Variants in PIGU observed in about 807,000 individuals in gnomAD.
The protein encoded by PIGU is GPI-anchor transamidase component PIGU.
In PIGU, 24 loss-of-function variants were observed where a neutral mutation model predicts 49.9. The ratio of observed to expected loss-of-function variants is 0.48; its 90% confidence interval spans 0.35 to 0.68. The LOEUF (loss-of-function observed/expected upper bound fraction) is 0.68. Among genes scored for constraint, PIGU ranks in the 30% least tolerant of loss-of-function variants. PIGU has a pLI of 0.01. For missense variants in PIGU, 490 were observed against 532.6 expected (o/e 0.92, Z 0.79); for synonymous variants, 220 against 205.7 (o/e 1.07, Z -0.59).
chr20:34,584,011 G>A (rs1600599443), intron 9 of PIGU, among the ~76,000 whole-genome samples: 2 of 152,284 alleles, frequency 1.3e-5, no homozygotes, highest in Middle Eastern at 3.4e-3. Context: ...TCTGAAGCTA[G>A]GATAATAGAA....
chr20:34,603,224 G>A (rs1037182980), intron 7 of PIGU, among the ~76,000 whole-genome samples: 1 of 152,066 alleles, frequency 6.6e-6, no homozygotes, highest in Non-Finnish European at 1.5e-5. Context: ...GGTGGGTAAT[G>A]TTCTTTTGTC....
At chr20:34,597,006 A>G (rs1160177381) in intron 7 of PIGU, among the ~76,000 whole-genome samples, 1 of 152,212 alleles carries the variant, frequency 6.6e-6, no homozygotes, top group African/African-American at 2.4e-5. Flanking sequence ...ATGTTAGTGA[A>G]GATGTGTGGC....
chr20:34,590,986 A>G (rs1163524967), intron 7 of PIGU, among the ~76,000 whole-genome samples: 1 of 151,724 alleles, frequency 6.6e-6, no homozygotes, highest in Non-Finnish European at 1.5e-5. Context: ...GCACCACTGC[A>G]CTCCAGCCTG....
intron 7 of PIGU, among the ~76,000 whole-genome samples, chr20:34,597,144 C>T (rs1361694809): frequency 1.3e-5 from 2 of 152,086 alleles, no homozygotes; most frequent in African/African-American, 4.8e-5. Flanking sequence ...CTAGGTACTG[C>T]TCAAGAGAAA....
chr20:34,585,303 G>T, intron 9 of PIGU, 134 bp downstream of exon 9: 1 of 1,085,802 alleles, frequency 9.2e-7, no homozygotes, highest in Non-Finnish European at 1.3e-6. Flanking sequence ...GCAACTGAAG[G>T]CAGGTTCCTT....
chr20:34,614,685 C>T (rs1984942661), intron 7 of PIGU, among the ~76,000 whole-genome samples: 1 of 151,362 alleles, frequency 6.6e-6, no homozygotes, highest in Non-Finnish European at 1.5e-5. Flanking sequence ...AATGACATAT[C>T]TCAAACATAA....
rs567394924 is a variant in PIGU, at chr20:34,654,236, G to A, written c.195+2944C>T. Among the ~76,000 whole-genome samples the A allele has an allele frequency of 4.6e-5, 5 of 107,668 alleles. 1 individual carries two copies. The East Asian group carries it at 1.5e-3, about 33-fold the overall frequency. The allele number at this position is 107,668 out of a possible 152,430, so 70.6% of individuals were successfully genotyped here. ...CTAGCACTTTGGGAGGCCGAGGCAG[G>A]TGGATCACCTGAGGTCAGGAGTTCG... On this transcript the variant is annotated intron_variant, in intron 2 of 11. Coordinates refer to ENST00000217446, the MANE Select transcript of PIGU (RefSeq NM_080476.5).
chr20:34,601,352 C>T (rs1984418399), intron 7 of PIGU, among the ~76,000 whole-genome samples: 1 of 152,150 alleles, frequency 6.6e-6, no homozygotes, highest in Admixed American at 6.6e-5. Context: ...TGTACTGCAT[C>T]TATTTATAAA....
At chr20:34,659,336 T>C (rs1600667964) in intron 1 of PIGU, among the ~76,000 whole-genome samples, 1 of 137,748 alleles carries the variant, frequency 7.3e-6, no homozygotes, top group African/African-American at 2.8e-5. Context: ...AGCCGCCCCG[T>C]CCGGGAGGTG....
At chr20:34,626,902 A>G (rs1025748353) in intron 6 of PIGU, among the ~76,000 whole-genome samples, 12 of 152,100 alleles carry the variant, frequency 7.9e-5, no homozygotes, top group African/African-American at 2.2e-4. Flanking sequence ...AAAGTAAATT[A>G]TTCCTTAATT....
intron 7 of PIGU, among the ~76,000 whole-genome samples, chr20:34,594,912 G>A (rs1984133550): frequency 6.6e-6 from 1 of 151,814 alleles, no homozygotes; most frequent in African/African-American, 2.4e-5. Context: ...CTAACACGGT[G>A]AAACCCCGTC....
At chr20:34,611,566 A>C (rs1371197072) in intron 7 of PIGU, among the ~76,000 whole-genome samples, 4 of 150,088 alleles carry the variant, frequency 2.7e-5, no homozygotes, top group Non-Finnish European at 4.4e-5. Flanking sequence ...GAATCGCTTG[A>C]ACCTGGGAGG....
At chr20:34,672,559 C>A (rs545250314) in intron 1 of PIGU, among the ~76,000 whole-genome samples, 15 of 149,794 alleles carry the variant, frequency 1.0e-4, no homozygotes, top group African/African-American at 3.2e-4. Flanking sequence ...TGCACTTATT[C>A]AAAAAAAAAG....
intron 11 of PIGU, among the ~76,000 whole-genome samples, chr20:34,574,777 C>A (rs538564250): frequency 6.6e-6 from 1 of 152,304 alleles, no homozygotes; most frequent in South Asian, 2.1e-4. Flanking sequence ...TTGTTCTTGG[C>A]TCCTCCAATG....
At chr20:34,622,424 G>A (rs1254986026) in intron 6 of PIGU, among the ~76,000 whole-genome samples, 3 of 151,994 alleles carry the variant, frequency 2.0e-5, no homozygotes, top group Non-Finnish European at 4.4e-5. Flanking sequence ...GGCTGAGGCA[G>A]GAGAATCTCT....
At chr20:34,676,338 A>T (rs1388645108) in intron 1 of PIGU, among the ~76,000 whole-genome samples, 1 of 152,152 alleles carries the variant, frequency 6.6e-6, no homozygotes, top group African/African-American at 2.4e-5. Context: ...TATTATAACG[A>T]TTTGTCTCCC....
intron 9 of PIGU, among the ~76,000 whole-genome samples, chr20:34,584,126 C>A (rs1568625950): frequency 6.6e-6 from 1 of 152,176 alleles, no homozygotes; most frequent in East Asian, 1.9e-4. Flanking sequence ...AATCCCAGCT[C>A]CACTGCTTAC....
At chr20:34,593,664 T>C (rs1279995558) in intron 7 of PIGU, among the ~76,000 whole-genome samples, 1 of 152,166 alleles carries the variant, frequency 6.6e-6, no homozygotes, top group East Asian at 1.9e-4. Flanking sequence ...AAGGTAACCA[T>C]TTGGAAAAGG....
At chr20:34,650,414 G>A (rs1986495273) in intron 2 of PIGU, among the ~76,000 whole-genome samples, 1 of 151,570 alleles carries the variant, frequency 6.6e-6, no homozygotes, top group Non-Finnish European at 1.5e-5. Context: ...GGAACTACAG[G>A]CACACACCAC....
Sources: allele counts gnomAD v4.1 joint callset (sites outside exome capture counted in the v4.1 genomes callset), GRCh38; gene constraint gnomAD v4.1.1; transcripts MANE v1.5; gene names NCBI Gene and HGNC (gene_info 2026-07-23, HGNC 2026-07-21).